The following RAD51B variants were observed in gnomAD, a reference collection of about 807,000 sequenced individuals.
RAD51B encodes the protein RAD51 paralog B.
RAD51B carries 38 observed loss-of-function variants against 42.2 expected under a neutral mutation model. The observed-to-expected ratio is 0.90, with a 90% CI of 0.70 to 1.18. The LOEUF is 1.18. RAD51B is among the 50% of genes most tolerant of loss of function. RAD51B has a pLI of 0.00. For synonymous variants in RAD51B, 154 were observed against 145.2 expected (o/e 1.06, Z -0.43); for missense variants, 373 against 400.7 (o/e 0.93, Z 0.59).
intron 8 of RAD51B, among the ~76,000 whole-genome samples, chr14:68,354,225 T>G (rs1232207701): frequency 6.8e-6 from 1 of 147,196 alleles, no homozygotes; most frequent in African/African-American, 2.5e-5. Context: ...GGTTTTTTTT[T>G]TTTTTTTTTT....
At chr14:68,042,807 C>T (rs555260574) in intron 7 of RAD51B, among the ~76,000 whole-genome samples, 1 of 152,312 alleles carries the variant, frequency 6.6e-6, no homozygotes, top group Non-Finnish European at 1.5e-5. Flanking sequence ...GCATGTTAAG[C>T]AGGCTTAAAA....
chr14:68,033,413 C>A (rs1050365864), intron 7 of RAD51B, among the ~76,000 whole-genome samples: 3 of 152,180 alleles, frequency 2.0e-5, no homozygotes, highest in Middle Eastern at 6.8e-3. Flanking sequence ...CTACAAACAT[C>A]AAATCTTTTT....
intron 7 of RAD51B, among the ~76,000 whole-genome samples, chr14:68,197,499 A>G (rs1477887582): frequency 2.0e-5 from 3 of 152,170 alleles, no homozygotes; most frequent in African/African-American, 7.2e-5. Context: ...GAATATGCTT[A>G]TACAAGTTCT....
At chr14:68,439,603 A>G (rs760811270) in intron 9 of RAD51B, among the ~76,000 whole-genome samples, 17 of 152,250 alleles carry the variant, frequency 1.1e-4, no homozygotes, top group Non-Finnish European at 2.5e-4. Flanking sequence ...TCTTCTGTCT[A>G]CCATGGTTCT....
At chr14:68,358,606 A>T (rs1022963944) in intron 8 of RAD51B, among the ~76,000 whole-genome samples, 8 of 152,050 alleles carry the variant, frequency 5.3e-5, no homozygotes, top group African/African-American at 1.9e-4. Flanking sequence ...CTTTACTTTG[A>T]TTACTAGTGA....
rs112558899 is a variant in RAD51B, at chr14:68,049,568, C to T, written c.756+162364C>T. Among the ~76,000 whole-genome samples, 129 of 152,256 alleles carry T rather than the reference C, an allele frequency of 8.5e-4. 1 individual carries two copies. The highest frequency in any genetic ancestry group is 1.4e-3 in the Non-Finnish European group (95 of 68,018). On this transcript the variant is annotated intron_variant, in intron 7 of 10. Transcript: ENST00000471583. ...CAAGGCCTCTCCACCTGTTTTTCTC[C>T]GAGTTGCTCGTCACCCTGTCCTTTA...
chr14:67,905,959 TCC>T (rs2043768853), intron 7 of RAD51B, among the ~76,000 whole-genome samples: 1 of 152,148 alleles, frequency 6.6e-6, no homozygotes, highest in Non-Finnish European at 1.5e-5. Flanking sequence ...AGTGTGGGCA[TCC>T]TTGCCTTGTT....
intron 9 of RAD51B, among the ~76,000 whole-genome samples, chr14:68,444,028 C>A (rs1474802761): frequency 6.6e-6 from 1 of 152,068 alleles, no homozygotes; most frequent in Admixed American, 6.5e-5. Context: ...ATATTAGTGC[C>A]TAGAACTTTT....
chr14:68,620,326 C>A, intron 10 of RAD51B, among the ~76,000 whole-genome samples: 1 of 152,150 alleles, frequency 6.6e-6, no homozygotes, highest in East Asian at 1.9e-4. Flanking sequence ...AGAATAGCAA[C>A]CTTCCCTACA....
At chr14:68,244,511 G>A (rs947127053) in intron 7 of RAD51B, among the ~76,000 whole-genome samples, 2 of 152,230 alleles carry the variant, frequency 1.3e-5, no homozygotes, top group African/African-American at 4.8e-5. Context: ...TGTGTTCAGT[G>A]ATTCCTCTGG....
intron 7 of RAD51B, among the ~76,000 whole-genome samples, chr14:68,168,570 G>T (rs1255027088): frequency 6.6e-6 from 1 of 152,086 alleles, no homozygotes; most frequent in African/African-American, 2.4e-5. Context: ...ATATCATTAA[G>T]TAATAATAGG....
chr14:68,103,795 A>T (rs930120741), intron 7 of RAD51B, among the ~76,000 whole-genome samples: 1 of 152,176 alleles, frequency 6.6e-6, no homozygotes, highest in Non-Finnish European at 1.5e-5. Flanking sequence ...AAATTAATTT[A>T]AAAAAACACA....
intron 7 of RAD51B, among the ~76,000 whole-genome samples, chr14:68,249,019 TG>T (rs1483291849): frequency 6.6e-6 from 1 of 152,258 alleles, no homozygotes; most frequent in Non-Finnish European, 1.5e-5. Context: ...CAGCAGTGGC[TG>T]GGCTGAGTCA....
intron 10 of RAD51B, chr14:68,470,585 G>T (rs1436997498): frequency 3.9e-5 from 20 of 507,414 alleles, no homozygotes; most frequent in Non-Finnish European, 7.3e-5. Context: ...CCATTGGTGG[G>T]TCATGAAGTG....
At chr14:67,821,532 A>G (rs2040627563) in intron 1 of RAD51B, among the ~76,000 whole-genome samples, 2 of 152,208 alleles carry the variant, frequency 1.3e-5, no homozygotes, top group African/African-American at 4.8e-5. Context: ...ACCACAGCTC[A>G]CTGCAGGCTC....
intron 8 of RAD51B, among the ~76,000 whole-genome samples, chr14:68,405,641 C>T (rs1372556031): frequency 1.3e-5 from 2 of 151,962 alleles, no homozygotes; most frequent in East Asian, 3.9e-4. Context: ...GTACTCATGG[C>T]CCTTACTTAA....
At chr14:68,321,166 C>T (rs1356780253) in intron 8 of RAD51B, among the ~76,000 whole-genome samples, 2 of 151,996 alleles carry the variant, frequency 1.3e-5, no homozygotes, top group Non-Finnish European at 2.9e-5. Context: ...CCCTGCCCAC[C>T]AAAAAAGTAA....
At chr14:68,643,515 T>A (rs1307089467) in intron 10 of RAD51B, among the ~76,000 whole-genome samples, 1 of 152,168 alleles carries the variant, frequency 6.6e-6, no homozygotes, top group African/African-American at 2.4e-5. Flanking sequence ...AAGATCCAGA[T>A]CCCTCTAAAA....
chr14:68,318,980 C>T (rs2082111353), intron 8 of RAD51B, among the ~76,000 whole-genome samples: 1 of 152,056 alleles, frequency 6.6e-6, no homozygotes, highest in Non-Finnish European at 1.5e-5. Flanking sequence ...TATTTAGATG[C>T]CATCAGAGGG....
Sources: allele counts gnomAD v4.1 joint callset (sites outside exome capture counted in the v4.1 genomes callset), GRCh38; gene constraint gnomAD v4.1.1; transcripts MANE v1.5; gene names NCBI Gene and HGNC (gene_info 2026-07-23, HGNC 2026-07-21).